Variants in ACOXL observed in about 807,000 individuals in gnomAD.
ACOXL encodes acyl-CoA oxidase like.
Under a neutral mutation model 71.9 loss-of-function variants are expected in ACOXL, and 70 were observed. The observed-to-expected ratio is 0.97, with a 90% CI of 0.80 to 1.19. ACOXL has a LOEUF of 1.19. ACOXL is among the 50% of genes most tolerant of loss of function. ACOXL has a pLI of 0.00. For synonymous variants in ACOXL, 253 were observed against 281.6 expected (o/e 0.90, Z 1.02); for missense variants, 703 against 736.3 (o/e 0.95, Z 0.52).
At chr2:110,987,960 T>C (rs1243973575) in intron 13 of ACOXL, among the ~76,000 whole-genome samples, 1 of 152,184 alleles carries the variant, frequency 6.6e-6, no homozygotes, top group Non-Finnish European at 1.5e-5. Flanking sequence ...CAAACTTAAT[T>C]GACATTACTT....
intron 10 of ACOXL, among the ~76,000 whole-genome samples, chr2:110,893,402 GAT>G (rs1301612356): frequency 6.6e-6 from 1 of 152,058 alleles, no homozygotes; most frequent in Non-Finnish European, 1.5e-5. Context: ...ATTAAAATGA[GAT>G]AATATTTTAC....
intron 2 of ACOXL, among the ~76,000 whole-genome samples, chr2:110,784,341 T>A (rs1359059929): frequency 6.6e-6 from 1 of 152,024 alleles, no homozygotes; most frequent in African/African-American, 2.4e-5. Flanking sequence ...CTGCAGGCTG[T>A]GGCACACATT....
chr2:110,999,307 T>A (rs2063522995), intron 14 of ACOXL, among the ~76,000 whole-genome samples: 1 of 152,188 alleles, frequency 6.6e-6, no homozygotes, highest in African/African-American at 2.4e-5. Flanking sequence ...CAGCTTCATT[T>A]TAACTGAATC....
At position 110,937,253 on chromosome 2, in the gene ACOXL, G is replaced by A. The variant is rs141892539; in HGVS notation, c.1059+3611G>A. 6.2e-4 allele frequency among the ~76,000 whole-genome samples: 95 copies of A among 152,274 alleles called. 1 individual carries two copies. In the East Asian group the frequency reaches 0.017, roughly 27 times the overall value. On this transcript the variant is annotated intron_variant, in intron 12 of 17. Transcript: ENST00000439055. ...GCCCCCATCCAGAAGCTGACCAGGA[G>A]CCCACTAGGAGTTGCCTCATTAGAA... is the stretch of plus-strand genomic sequence containing the variant.
intron 12 of ACOXL, among the ~76,000 whole-genome samples, chr2:110,964,345 A>G (rs962839452): frequency 1.3e-5 from 2 of 152,218 alleles, no homozygotes; most frequent in African/African-American, 4.8e-5. Context: ...AGTATAAATC[A>G]TGCTCTGGCC....
chr2:111,084,355 C>A (rs1218931479), intron 16 of ACOXL, among the ~76,000 whole-genome samples: 1 of 150,812 alleles, frequency 6.6e-6, no homozygotes, highest in Non-Finnish European at 1.5e-5. Context: ...AATATAAACA[C>A]AAAGCATTTA....
intron 17 of ACOXL, among the ~76,000 whole-genome samples, chr2:111,095,979 A>G (rs2068779141): frequency 6.6e-6 from 1 of 152,180 alleles, no homozygotes; most frequent in South Asian, 2.1e-4. Flanking sequence ...GCTTTAGAGA[A>G]ATGATTTGCA....
At chr2:111,101,656 G>GA (rs528603046) in intron 17 of ACOXL, among the ~76,000 whole-genome samples, 17,469 of 138,462 alleles carry the variant, frequency 0.13, 1,154 homozygotes, top group East Asian at 0.28. Flanking sequence ...GAATTTGAGG[G>GA]AAAAAAAAAA....
At chr2:110,888,555 C>T (rs1204090286) in intron 10 of ACOXL, among the ~76,000 whole-genome samples, 3 of 152,150 alleles carry the variant, frequency 2.0e-5, no homozygotes, top group African/African-American at 7.2e-5. Flanking sequence ...AGTCAATGGA[C>T]CCTGACTAAT....
intron 16 of ACOXL, among the ~76,000 whole-genome samples, chr2:111,077,991 C>G (rs1419995097): frequency 6.6e-6 from 1 of 152,180 alleles, no homozygotes; most frequent in Non-Finnish European, 1.5e-5. Flanking sequence ...ATTATATCTT[C>G]AAGTACTGCC....
chr2:111,029,258 C>T (rs896603554), intron 14 of ACOXL, among the ~76,000 whole-genome samples: 1 of 152,144 alleles, frequency 6.6e-6, no homozygotes, highest in Non-Finnish European at 1.5e-5. Flanking sequence ...CTCCTGGAAC[C>T]TCGTATTAAG....
At chr2:110,892,169 A>G (rs962997024) in intron 10 of ACOXL, among the ~76,000 whole-genome samples, 44 of 152,350 alleles carry the variant, frequency 2.9e-4, no homozygotes, top group African/African-American at 9.6e-4. Context: ...GTGCAAGGAT[A>G]CATCAATACC....
intron 12 of ACOXL, among the ~76,000 whole-genome samples, chr2:110,936,787 G>A (rs964743831): frequency 1.1e-4 from 16 of 152,072 alleles, no homozygotes; most frequent in Non-Finnish European, 2.9e-5. Flanking sequence ...GGTGTGTACC[G>A]CCCTGCTTGG....
chr2:110,797,040 C>T (rs1038386657), intron 5 of ACOXL, among the ~76,000 whole-genome samples: 2 of 152,220 alleles, frequency 1.3e-5, no homozygotes, highest in African/African-American at 4.8e-5. Context: ...TCCTGGGCTC[C>T]CAACTTGCCC....
At chr2:110,828,660 C>T (rs759121285) in intron 9 of ACOXL, among the ~76,000 whole-genome samples, 8 of 152,188 alleles carry the variant, frequency 5.3e-5, no homozygotes, top group South Asian at 2.1e-4. Context: ...AGTAAGGAGC[C>T]GTTGTAATCC....
At chr2:110,784,484 G>A (rs1296965328) in intron 2 of ACOXL, among the ~76,000 whole-genome samples, 4 of 152,126 alleles carry the variant, frequency 2.6e-5, no homozygotes, top group Non-Finnish European at 4.4e-5. Context: ...GCCTCCATGC[G>A]GATGCAGTTG....
intron 12 of ACOXL, among the ~76,000 whole-genome samples, chr2:110,975,415 A>AGTGT (rs3059265): frequency 0.21 from 31,897 of 150,204 alleles, 3,971 homozygotes; most frequent in Middle Eastern, 0.3. Flanking sequence ...TGTTTGTGTG[A>AGTGT]GTGTGTGTGT....
chr2:111,114,884 T>C (rs1295887582), intron 17 of ACOXL, among the ~76,000 whole-genome samples: 2 of 152,006 alleles, frequency 1.3e-5, no homozygotes, highest in South Asian at 2.1e-4. Context: ...CTCCCAAATA[T>C]ACATATTAAT....
chr2:110,740,600 A>T (rs991742607), intron 1 of ACOXL, among the ~76,000 whole-genome samples: 1 of 152,256 alleles, frequency 6.6e-6, no homozygotes, highest in African/African-American at 2.4e-5. Context: ...GGCAAATCAT[A>T]GGTTTTTAAT....
Sources: allele counts gnomAD v4.1 joint callset (sites outside exome capture counted in the v4.1 genomes callset), GRCh38; gene constraint gnomAD v4.1.1; transcripts MANE v1.5; gene names NCBI Gene and HGNC (gene_info 2026-07-23, HGNC 2026-07-21).